The following MED13 variants were observed in gnomAD, a reference collection of about 807,000 sequenced individuals.
MED13 encodes mediator of RNA polymerase II transcription subunit 13.
MED13 carries 23 observed loss-of-function variants against 225.2 expected under a neutral mutation model. That is an observed-to-expected ratio of 0.10 (90% CI 0.07 to 0.14). The LOEUF (loss-of-function observed/expected upper bound fraction) is 0.14, where lower values mean the gene tolerates loss of function less well. Among genes scored for constraint, MED13 ranks in the 10% least tolerant of loss-of-function variants. MED13 has a pLI of 1.00. For synonymous variants in MED13, 942 were observed against 889.2 expected (o/e 1.06, Z -1.06); for missense variants, 2,197 against 2,594.5 (o/e 0.85, Z 3.33).
intron 2 of MED13, 110 bp downstream of exon 2, chr17:62,062,957 G>A (rs1368906162): frequency 5.8e-6 from 4 of 687,580 alleles, no homozygotes; most frequent in African/African-American, 1.8e-5. Flanking sequence ...TTTTTATCTG[G>A]CCTCCTAAGT....
At chr17:62,000,629 A>G (rs2080386670) in intron 9 of MED13, among the ~76,000 whole-genome samples, 1 of 152,242 alleles carries the variant, frequency 6.6e-6, no homozygotes, top group South Asian at 2.1e-4. Context: ...TTCCTCATCT[A>G]CATACAGAGC....
chr17:62,011,298 T>A, intron 8 of MED13, 65 bp from the exon 9 acceptor site: 1 of 1,359,798 alleles, frequency 7.4e-7, no homozygotes, highest in East Asian at 2.3e-5. Context: ...ATAATACCAG[T>A]TAATAGTATT....
At chr17:61,947,147 C>G in intron 28 of MED13, 130 bp from the exon 29 acceptor site, 2 of 564,622 alleles carry the variant, frequency 3.5e-6, no homozygotes, top group Non-Finnish European at 6.1e-6. Context: ...TGAATGAAAG[C>G]CACTATAAAA....
intron 16 of MED13, among the ~76,000 whole-genome samples, chr17:61,974,110 G>A (rs1162559727): frequency 1.3e-5 from 2 of 152,120 alleles, no homozygotes; most frequent in African/African-American, 4.8e-5. Flanking sequence ...CTACTTAGTA[G>A]TTGAAAATGC....
At chr17:62,052,259 T>C (rs185021205) in intron 3 of MED13, among the ~76,000 whole-genome samples, 33 of 152,296 alleles carry the variant, frequency 2.2e-4, no homozygotes, top group Admixed American at 5.9e-4. Flanking sequence ...CCTAAGTCTC[T>C]GCTTTCATCC....
At chr17:61,990,627 GTATATA>G (rs5821345) in intron 11 of MED13, among the ~76,000 whole-genome samples, 19 of 138,994 alleles carry the variant, frequency 1.4e-4, no homozygotes, top group African/African-American at 2.7e-4. Context: ...GGCGCACTGT[GTATATA>G]TATATATATA....
At chr17:62,016,185 A>C (rs925935302) in intron 8 of MED13, among the ~76,000 whole-genome samples, 16 of 149,650 alleles carry the variant, frequency 1.1e-4, no homozygotes, top group African/African-American at 3.7e-4. Context: ...CAACAAAAAA[A>C]AAAACCCAGC....
At chr17:61,992,440 G>T in intron 11 of MED13, 100 bp downstream of exon 11, 1 of 676,792 alleles carries the variant, frequency 1.5e-6, no homozygotes. Context: ...GAAACATAAT[G>T]AATTATACAA....
chr17:61,971,479 G>T (rs1253592711), intron 17 of MED13, among the ~76,000 whole-genome samples: 2 of 151,904 alleles, frequency 1.3e-5, no homozygotes, highest in Non-Finnish European at 2.9e-5. Context: ...TGTATTTTTA[G>T]TAGAGACGGG....
At chr17:62,061,125 C>G (rs1475957983) in intron 2 of MED13, among the ~76,000 whole-genome samples, 1 of 152,142 alleles carries the variant, frequency 6.6e-6, no homozygotes, top group Non-Finnish European at 1.5e-5. Flanking sequence ...TGACTGGTAA[C>G]ATGAAACCTA....
Position 61,983,031 on chromosome 17 carries a change from G to A in MED13, c.2972C>T (p.Ala991Val). ...HTSFGMPPSS[A>V]PPSNSGAGIL... is the part of the protein sequence containing the mutation. ...TCCTGCTCCGCTGTTACTAGGAGGT[G>A]CACTGCTAGGAGGCATCCCAAAAGA... The change falls in exon 16 of 30, where the codon GCA becomes GTA. Residue 991 changes from alanine to valine, a missense_variant. Physicochemically the swap from Ala to Val is moderately conservative, Grantham distance 64. Transcript: ENST00000397786. The A allele has an allele frequency of 1.9e-6, 3 of 1,613,820 alleles. No homozygotes were observed. Among genetic ancestry groups the A allele is most frequent in the Non-Finnish European group, 2.5e-6 (3 of 1,179,832 alleles).
chr17:61,983,154 A>G, intron 15 of MED13, 40 bp from the exon 16 acceptor site: 1 of 1,443,582 alleles, frequency 6.9e-7, no homozygotes, highest in Non-Finnish European at 9.3e-7. Context: ...ATATATATAT[A>G]AAGGAACATA....
chr17:61,985,198 T>A, intron 12 of MED13, 108 bp from the exon 13 acceptor site: 1 of 892,734 alleles, frequency 1.1e-6, no homozygotes, highest in Non-Finnish European at 1.7e-6. Flanking sequence ...TTAAAAGTAG[T>A]ATTTTGAATC....
intron 3 of MED13, among the ~76,000 whole-genome samples, chr17:62,038,371 C>T (rs2080824083): frequency 6.6e-6 from 1 of 151,898 alleles, no homozygotes; most frequent in Non-Finnish European, 1.5e-5. Flanking sequence ...CACTGCCCTC[C>T]AGTCTCCAAA....
intron 8 of MED13, among the ~76,000 whole-genome samples, chr17:62,013,033 C>T (rs1283177340): frequency 1.3e-5 from 2 of 150,830 alleles, no homozygotes; most frequent in African/African-American, 2.4e-5. Flanking sequence ...CCTCGTGATC[C>T]GCCCACCTTG....
At chr17:62,047,762 G>C (rs2080911347) in intron 3 of MED13, among the ~76,000 whole-genome samples, 1 of 149,032 alleles carries the variant, frequency 6.7e-6, no homozygotes, top group African/African-American at 2.5e-5. Context: ...CATTAAAAAA[G>C]AGAGAGAGAG....
rs61326861 is a variant in MED13 at position 61,955,855 on chromosome 17, TAAAAAAAAAAAAA to T, written c.5624-30_5624-18del. 1 of 814,370 alleles carries T rather than the reference TAAAAAAAAAAAAA, an allele frequency of 1.2e-6. No individual in the cohort carries two copies. Among genetic ancestry groups the T allele is most frequent in the Non-Finnish European group, 1.4e-6 (1 of 696,972 alleles). The allele number at this position is 814,370 out of a possible 1,614,324, so 50.4% of individuals were successfully genotyped here. ...AGCTCCAATCTGTGGGTATCAACAG[TAAAAAAAAAAAAA>T]AAAAAAAAAAAAATCAAAGTAACAG... On this transcript the variant is annotated intron_variant, in intron 24 of 29. Coordinates refer to ENST00000397786, the MANE Select transcript of MED13 (RefSeq NM_005121.3).
At position 61,947,193 on chromosome 17, in the gene MED13, TG is replaced by T. The variant is rs1179650584; in HGVS notation, c.6292-177del. ...TCTTTTAACTAATTCATTATAGAAATGTTTTTTTTTTTTTTTTTAAGTAGGG... is the reference window on the plus strand; with the variant it reads ...TCTTTTAACTAATTCATTATAGAAATTTTTTTTTTTTTTTTTTAAGTAGGG... On this transcript the variant is annotated intron_variant, in intron 28 of 29. Transcript: ENST00000397786. Among the ~76,000 whole-genome samples the T allele has an allele frequency of 3.5e-3, 525 of 151,152 alleles. 3 individuals are homozygous for T. The highest frequency in any genetic ancestry group is 0.014 in the Middle Eastern group (4 of 294).
intron 8 of MED13, chr17:62,029,208 A>G: frequency 4.9e-6 from 1 of 204,246 alleles, no homozygotes; most frequent in Non-Finnish European, 9.7e-6. Flanking sequence ...AGTGCCATTG[A>G]GGAAGGAATG....
Sources: gnomAD v4.1 joint callset for allele counts (sites outside exome capture counted in the v4.1 genomes callset) on GRCh38, gnomAD v4.1.1 for gene constraint, MANE v1.5 for transcripts, NCBI Gene and HGNC (gene_info 2026-07-23, HGNC 2026-07-21) for gene names.